Variants in ZBTB7C observed in about 807,000 individuals in gnomAD.
The protein encoded by ZBTB7C is zinc finger and BTB domain containing 7C, also known as zinc finger and BTB domain-containing protein 7C.
In ZBTB7C, 8 loss-of-function variants were observed where a neutral mutation model predicts 25.7. That is an observed-to-expected ratio of 0.31 (90% CI 0.18 to 0.56). ZBTB7C has a LOEUF of 0.56. ZBTB7C is among the 20% of genes least tolerant of loss of function. The probability of loss-of-function intolerance (pLI) is 0.91; values close to 1 mark genes in which losing one functional copy is unlikely to be tolerated. For missense variants in ZBTB7C, 824 were observed against 855.2 expected (o/e 0.96, Z 0.46); for synonymous variants, 394 against 369.0 (o/e 1.07, Z -0.78).
chr18:48,104,916 A>C (rs1392280674), intron 3 of ZBTB7C, among the ~76,000 whole-genome samples: 5 of 152,168 alleles, frequency 3.3e-5, no homozygotes, highest in Non-Finnish European at 2.9e-5. Context: ...TGTGGGTCTT[A>C]TATCAGAAGG....
chr18:48,342,591 C>T (rs527890730), intron 1 of ZBTB7C, among the ~76,000 whole-genome samples: 2 of 152,306 alleles, frequency 1.3e-5, no homozygotes, highest in African/African-American at 2.4e-5. Context: ...GCAGGAGGGA[C>T]GGGAAAGCCA....
Position 48,307,708 on chromosome 18 carries a change from C to T in ZBTB7C, c.-79+30466G>A, listed in dbSNP as rs189396064. On this transcript the variant is annotated intron_variant, in intron 2 of 4. Coordinates refer to ENST00000590800, the MANE Select transcript of ZBTB7C (RefSeq NM_001318841.2). Reference sequence around the variant, plus strand: ...AATAAAAATACAAAAATTAGCTGGGCGTGGTGGCAGGCACCTGTAATCCCA... The same window carrying T: ...AATAAAAATACAAAAATTAGCTGGGTGTGGTGGCAGGCACCTGTAATCCCA... Among the ~76,000 whole-genome samples, 55 of 152,174 alleles carry T rather than the reference C, an allele frequency of 3.6e-4. No individual in the cohort carries two copies. The East Asian group carries it at 0.01, about 28-fold the overall frequency.
chr18:48,029,987 C>G lies in ZBTB7C; in HGVS notation c.1209-76G>C, dbSNP rs1179075118. On this transcript the variant is annotated intron_variant, in intron 4 of 4. Transcript: ENST00000590800. The stretch of plus-strand genomic sequence containing the variant: ...TCCTAACCTTTTGCTCCCCCTTTCT[C>G]CAGAACCAGCCGAGGCTCCCTACTG... 5 of 1,584,616 alleles carry G rather than the reference C, an allele frequency of 3.2e-6. No individual in the cohort carries two copies. The East Asian group carries it at 1.1e-4, about 36-fold the overall frequency.
intron 2 of ZBTB7C, among the ~76,000 whole-genome samples, chr18:48,280,992 T>C (rs2044829065): frequency 6.6e-6 from 1 of 151,758 alleles, no homozygotes; most frequent in Non-Finnish European, 1.5e-5. Context: ...TAGCTGGAAC[T>C]ACAGGTGCCT....
chr18:48,121,897 A>T (rs2039641583), intron 3 of ZBTB7C, among the ~76,000 whole-genome samples: 1 of 152,074 alleles, frequency 6.6e-6, no homozygotes, highest in South Asian at 2.1e-4. Flanking sequence ...TTTAGGGGAG[A>T]CAGTGTTCTC....
intron 3 of ZBTB7C, among the ~76,000 whole-genome samples, chr18:48,047,117 C>T (rs946595604): frequency 7.9e-5 from 12 of 152,132 alleles, no homozygotes; most frequent in Admixed American, 2.0e-4. Flanking sequence ...AGGGCTGCCA[C>T]TTGCTGTTTC....
chr18:48,334,023 AT>A (rs1191393563), intron 2 of ZBTB7C, among the ~76,000 whole-genome samples: 2 of 152,042 alleles, frequency 1.3e-5, no homozygotes, highest in African/African-American at 4.8e-5. Context: ...AGGACATGGG[AT>A]TTGCCTGGAG....
intron 2 of ZBTB7C, among the ~76,000 whole-genome samples, chr18:48,305,062 C>A (rs1401054943): frequency 6.6e-6 from 1 of 152,122 alleles, no homozygotes; most frequent in Non-Finnish European, 1.5e-5. Context: ...GAGGACAGCG[C>A]CCCTGCTCCC....
intron 2 of ZBTB7C, among the ~76,000 whole-genome samples, chr18:48,327,198 C>T (rs947233954): frequency 2.0e-5 from 3 of 152,144 alleles, no homozygotes; most frequent in Non-Finnish European, 2.9e-5. Flanking sequence ...TGGCCTGGGA[C>T]CTGAATCAGG....
intron 3 of ZBTB7C, among the ~76,000 whole-genome samples, chr18:48,069,608 C>A (rs906618053): frequency 8.5e-5 from 13 of 152,084 alleles, no homozygotes; most frequent in African/African-American, 3.1e-4. Context: ...GCCCCTCTAT[C>A]CTCTCCCACC....
At chr18:48,045,193 T>A (rs1598770210) in intron 3 of ZBTB7C, among the ~76,000 whole-genome samples, 1 of 152,342 alleles carries the variant, frequency 6.6e-6, no homozygotes, top group South Asian at 2.1e-4. Flanking sequence ...CAGGGCAGAC[T>A]GGAGCCCTCC....
At chr18:48,278,002 G>A (rs1288553993) in intron 2 of ZBTB7C, among the ~76,000 whole-genome samples, 1 of 152,086 alleles carries the variant, frequency 6.6e-6, no homozygotes, top group Non-Finnish European at 1.5e-5. Context: ...CAATGGAGGT[G>A]ACGGATTATT....
At chr18:48,039,463 G>C (rs1216783402) in intron 4 of ZBTB7C, among the ~76,000 whole-genome samples, 1 of 152,192 alleles carries the variant, frequency 6.6e-6, no homozygotes, top group Non-Finnish European at 1.5e-5. Flanking sequence ...GCCGAGGACG[G>C]CCCCTGGCAT....
intron 2 of ZBTB7C, among the ~76,000 whole-genome samples, chr18:48,222,133 T>G (rs1023415766): frequency 1.3e-5 from 2 of 152,162 alleles, no homozygotes; most frequent in Non-Finnish European, 2.9e-5. Context: ...TGTCCTAGTC[T>G]CCTGTCTTTA....
intron 2 of ZBTB7C, among the ~76,000 whole-genome samples, chr18:48,200,022 A>G (rs112084718): frequency 8.5e-6 from 1 of 118,194 alleles, no homozygotes; most frequent in African/African-American, 3.1e-5. Context: ...GTGTGTGTGT[A>G]ATTTTTTTTT....
intron 1 of ZBTB7C, among the ~76,000 whole-genome samples, chr18:48,368,249 A>G (rs2145145942): frequency 1.3e-5 from 2 of 152,006 alleles, no homozygotes; most frequent in Admixed American, 1.3e-4. Context: ...TAGCAAAAAA[A>G]AAAAAAAAAT....
intron 1 of ZBTB7C, among the ~76,000 whole-genome samples, chr18:48,361,652 G>C (rs1244353897): frequency 1.3e-5 from 2 of 152,164 alleles, no homozygotes; most frequent in African/African-American, 4.8e-5. Flanking sequence ...CTCAACCCCA[G>C]GGCACACTGG....
At chr18:48,035,978 A>C (rs1376654849) in intron 4 of ZBTB7C, among the ~76,000 whole-genome samples, 1 of 152,238 alleles carries the variant, frequency 6.6e-6, no homozygotes, top group Admixed American at 6.5e-5. Flanking sequence ...TCCCAGGAGG[A>C]AAACGGTGTC....
chr18:48,317,067 G>T (rs1248962428), intron 2 of ZBTB7C, among the ~76,000 whole-genome samples: 1 of 152,138 alleles, frequency 6.6e-6, no homozygotes, highest in Non-Finnish European at 1.5e-5. Flanking sequence ...GAGGTCAGGA[G>T]TTCAATACCA....
Sources: allele counts gnomAD v4.1 joint callset (sites outside exome capture counted in the v4.1 genomes callset), GRCh38; gene constraint gnomAD v4.1.1; transcripts MANE v1.5; gene names NCBI Gene and HGNC (gene_info 2026-07-23, HGNC 2026-07-21).